The following EPB41L4A variants were observed in gnomAD, a reference collection of about 807,000 sequenced individuals.
EPB41L4A encodes band 4.1-like protein 4A.
Under a neutral mutation model 108.6 loss-of-function variants are expected in EPB41L4A, and 100 were observed. That is an observed-to-expected ratio of 0.92 (90% CI 0.78 to 1.09). The LOEUF is 1.09. Ranked by LOEUF, EPB41L4A falls within the 50% of genes least tolerant of loss-of-function variation. The pLI is 0.00. For synonymous variants in EPB41L4A, 319 were observed against 289.0 expected (o/e 1.10, Z -1.05); for missense variants, 1,030 against 842.7 (o/e 1.22, Z -2.75).
chr5:112,390,145 G>T (rs547047926), intron 1 of EPB41L4A, among the ~76,000 whole-genome samples: 1 of 152,348 alleles, frequency 6.6e-6, no homozygotes, highest in Non-Finnish European at 1.5e-5. Context: ...GAAGACGGGT[G>T]ACTTCTGCAT....
chr5:112,344,946 T>TTTGTTGGCTGCCTGCCACAAATA (rs1757544100), intron 1 of EPB41L4A, among the ~76,000 whole-genome samples: 1 of 152,226 alleles, frequency 6.6e-6, no homozygotes. Context: ...TATAAATATC[T>TTTGTTGGCTGCCTGCCACAAATA]TAACATAGTG....
At chr5:112,159,301 CA>C (rs1329748627), downstream of EPB41L4A, among the ~76,000 whole-genome samples, 1 of 152,044 alleles carries the variant, frequency 6.6e-6, no homozygotes, top group Non-Finnish European at 1.5e-5. Context: ...AAGTAGGCTT[CA>C]AAGAAACAAC....
intron 12 of EPB41L4A, among the ~76,000 whole-genome samples, chr5:112,212,289 T>A (rs1762781366): frequency 7.8e-6 from 1 of 127,536 alleles, no homozygotes; most frequent in East Asian, 2.5e-4. Flanking sequence ...CCATTAGTTG[T>A]TTTTGTTTTT....
At chr5:112,361,210 T>C (rs1758728143) in intron 1 of EPB41L4A, among the ~76,000 whole-genome samples, 1 of 152,224 alleles carries the variant, frequency 6.6e-6, no homozygotes, top group African/African-American at 2.4e-5. Flanking sequence ...TGTTAATCTA[T>C]GACCTTTCCC....
At chr5:112,324,790 G>A (rs912234138) in intron 1 of EPB41L4A, among the ~76,000 whole-genome samples, 4 of 150,492 alleles carry the variant, frequency 2.7e-5, no homozygotes, top group Admixed American at 2.6e-4. Flanking sequence ...GGAGGGGACA[G>A]AGAATTGAAG....
rs138792859 is a variant in EPB41L4A at position 112,222,677 on chromosome 5, G to C, written c.1087+11957C>G. 2.5e-3 allele frequency among the ~76,000 whole-genome samples: 379 copies of C among 152,266 alleles called. 3 individuals carry two copies. The highest frequency in any genetic ancestry group is 9.0e-3 in the African/African-American group (374 of 41,558). On this transcript the variant is annotated intron_variant, in intron 12 of 22. Transcript: ENST00000261486. Reference sequence around the variant, plus strand: ...AGCTTCTCTGTTCAAAGCTGTACCTGGTACCTGGACCGTAAAGCAGCCCCA... The same window carrying C: ...AGCTTCTCTGTTCAAAGCTGTACCTCGTACCTGGACCGTAAAGCAGCCCCA...
chr5:112,320,931 C>T lies in EPB41L4A; in HGVS notation c.100-13441G>A, dbSNP rs77144728. Among the ~76,000 whole-genome samples the T allele has an allele frequency of 4.5e-3, 688 of 152,292 alleles. 9 individuals carry two copies. Among genetic ancestry groups the T allele is most frequent in the African/African-American group, 0.016 (671 of 41,552 alleles). On this transcript the variant is annotated intron_variant, in intron 1 of 22. Transcript: ENST00000261486. ...ATTCATTTAAGGGAACTCCCCAACC[C>T]ATGAATGTGTCTGAGTTGGCGCCCC...
intron 2 of EPB41L4A, among the ~76,000 whole-genome samples, chr5:112,300,032 A>G (rs1229432015): frequency 6.6e-6 from 1 of 152,088 alleles, no homozygotes; most frequent in Non-Finnish European, 1.5e-5. Context: ...AGTTTATGTG[A>G]GTCCTTATAT....
intron 1 of EPB41L4A, among the ~76,000 whole-genome samples, chr5:112,322,640 T>G (rs1487781570): frequency 6.6e-6 from 1 of 151,462 alleles, no homozygotes; most frequent in East Asian, 1.9e-4. Flanking sequence ...GAACCAAGCC[T>G]CCTCCCCATA....
At chr5:112,161,312 G>A (rs1357911658), downstream of EPB41L4A, 1 of 358,184 alleles carries the variant, frequency 2.8e-6, no homozygotes, top group Non-Finnish European at 5.5e-6. Context: ...TTTCACGTTC[G>A]TGCAAGACCA....
At chr5:112,275,493 C>CA in intron 3 of EPB41L4A, 89 bp from the exon 4 acceptor site, 2 of 1,342,550 alleles carry the variant, frequency 1.5e-6, no homozygotes, top group Non-Finnish European at 2.0e-6. Context: ...TACAATTACA[C>CA]TCCAAGATTG....
At chr5:112,211,569 C>T (rs1406153073) in intron 12 of EPB41L4A, among the ~76,000 whole-genome samples, 2 of 144,586 alleles carry the variant, frequency 1.4e-5, no homozygotes, top group African/African-American at 5.2e-5. Context: ...GCCCTGGCTA[C>T]AGAGCGAGAC....
intron 1 of EPB41L4A, among the ~76,000 whole-genome samples, chr5:112,382,829 T>G (rs1381158550): frequency 6.6e-6 from 1 of 152,208 alleles, no homozygotes; most frequent in Admixed American, 6.5e-5. Flanking sequence ...CATTCCTAGT[T>G]ACTCTCCAAC....
At chr5:112,256,585 C>T (rs971605250) in intron 9 of EPB41L4A, among the ~76,000 whole-genome samples, 5 of 151,860 alleles carry the variant, frequency 3.3e-5, no homozygotes, top group Non-Finnish European at 4.4e-5. Context: ...ATTGCATCCA[C>T]AATAGCAAGA....
intron 1 of EPB41L4A, among the ~76,000 whole-genome samples, chr5:112,310,372 A>G (rs1036427943): frequency 6.6e-6 from 1 of 152,122 alleles, no homozygotes; most frequent in African/African-American, 2.4e-5. Flanking sequence ...GCTCCTCCAC[A>G]TTTATTTCTT....
intron 1 of EPB41L4A, among the ~76,000 whole-genome samples, chr5:112,382,693 G>A (rs1002042944): frequency 2.0e-5 from 3 of 152,108 alleles, no homozygotes; most frequent in African/African-American, 7.2e-5. Context: ...AGGGTTGGGG[G>A]AACAGTCCCA....
chr5:112,168,880 T>A (rs1760407240), intron 21 of EPB41L4A, 60 bp from the exon 22 acceptor site: 22 of 1,536,304 alleles, frequency 1.4e-5, no homozygotes, highest in Non-Finnish European at 2.0e-5. Flanking sequence ...ATAAATTAAG[T>A]TGGAAGAGAA....
chr5:112,385,690 A>G (rs940383454), intron 1 of EPB41L4A, among the ~76,000 whole-genome samples: 10 of 152,198 alleles, frequency 6.6e-5, no homozygotes, highest in African/African-American at 2.2e-4. Flanking sequence ...AGAGACTCCA[A>G]TAGACCAAAG....
chr5:112,318,164 C>T (rs1332577926), intron 1 of EPB41L4A, among the ~76,000 whole-genome samples: 1 of 152,144 alleles, frequency 6.6e-6, no homozygotes, highest in East Asian at 1.9e-4. Flanking sequence ...AGCATCATTG[C>T]CACTAACCAA....
Sources: gnomAD v4.1 joint callset for allele counts (sites outside exome capture counted in the v4.1 genomes callset) on GRCh38, gnomAD v4.1.1 for gene constraint, MANE v1.5 for transcripts, NCBI Gene and HGNC (gene_info 2026-07-23, HGNC 2026-07-21) for gene names.